ASIC2: variants seen among roughly 807,000 people sequenced by gnomAD.
ASIC2 encodes the protein acid sensing ion channel subunit 2, also known as acid-sensing ion channel 2.
ASIC2 carries 25 observed loss-of-function variants against 57.3 expected under a neutral mutation model. The observed-to-expected ratio is 0.44, with a 90% CI of 0.32 to 0.61. The LOEUF (loss-of-function observed/expected upper bound fraction) is 0.61, where lower values mean the gene tolerates loss of function less well. ASIC2 is among the 20% of genes least tolerant of loss of function. The pLI is 0.06. For missense variants in ASIC2, 641 were observed against 738.1 expected (o/e 0.87, Z 1.52); for synonymous variants, 319 against 307.5 (o/e 1.04, Z -0.39).
chr17:33,300,487 C>T (rs1356130956), intron 1 of ASIC2, among the ~76,000 whole-genome samples: 4 of 152,184 alleles, frequency 2.6e-5, no homozygotes, highest in African/African-American at 9.7e-5. Context: ...CAGATTTTCC[C>T]TTAACCCTTT....
chr17:33,900,742 G>C (rs12603278), intron 1 of ASIC2, among the ~76,000 whole-genome samples: 7,209 of 152,252 alleles, frequency 0.047, 387 homozygotes, highest in East Asian at 0.29. Context: ...TGAAGAAGTT[G>C]GAGGTGGGAG....
chr17:34,050,073 AC>A (rs1317507378), intron 1 of ASIC2, among the ~76,000 whole-genome samples: 3 of 152,246 alleles, frequency 2.0e-5, no homozygotes, highest in Non-Finnish European at 4.4e-5. Flanking sequence ...ATTTTGCATA[AC>A]AATATTATAC....
At chr17:34,132,802 G>A (rs974169182) in intron 1 of ASIC2, among the ~76,000 whole-genome samples, 1 of 152,188 alleles carries the variant, frequency 6.6e-6, no homozygotes, top group African/African-American at 2.4e-5. Flanking sequence ...GTGTGTGTAG[G>A]TGTTCTTTAT....
At chr17:33,360,364 C>A (rs892373124) in intron 1 of ASIC2, among the ~76,000 whole-genome samples, 1 of 152,144 alleles carries the variant, frequency 6.6e-6, no homozygotes, top group Non-Finnish European at 1.5e-5. Context: ...TGAAACTGGA[C>A]CTGCCTTGTT....
At chr17:33,178,576 A>G (rs1252802995) in intron 1 of ASIC2, among the ~76,000 whole-genome samples, 2 of 152,218 alleles carry the variant, frequency 1.3e-5, no homozygotes, top group Non-Finnish European at 2.9e-5. Context: ...TGGCATTTGA[A>G]CTGAGTCTTG....
At chr17:33,917,295 C>T (rs181849514) in intron 1 of ASIC2, among the ~76,000 whole-genome samples, 8 of 152,262 alleles carry the variant, frequency 5.3e-5, no homozygotes, top group Non-Finnish European at 1.5e-5. Flanking sequence ...TCAGGCCTCA[C>T]GTGCCTTAAA....
At chr17:33,161,748 A>G (rs1905165767) in intron 1 of ASIC2, among the ~76,000 whole-genome samples, 1 of 152,008 alleles carries the variant, frequency 6.6e-6, no homozygotes, top group African/African-American at 2.4e-5. Flanking sequence ...CATTTTATGC[A>G]AACCTCACTA....
At chr17:33,853,599 C>T (rs141338768) in intron 1 of ASIC2, among the ~76,000 whole-genome samples, 175 of 152,308 alleles carry the variant, frequency 1.1e-3, no homozygotes, top group African/African-American at 4.1e-3. Context: ...ATTAATGATG[C>T]CAGTGGTCTT....
chr17:33,150,971 A>C (rs1438494343), intron 1 of ASIC2, among the ~76,000 whole-genome samples: 1 of 151,966 alleles, frequency 6.6e-6, no homozygotes, highest in African/African-American at 2.4e-5. Context: ...TGGAGGTTGC[A>C]GTGAGCTGAG....
In ASIC2 at chr17:33,084,720, C is replaced by T. The variant is rs113234890; in HGVS notation, c.987+4143G>A. Among the ~76,000 whole-genome samples, 682 of 152,242 alleles carry T rather than the reference C, an allele frequency of 4.5e-3. 5 individuals are homozygous for T. The highest frequency in any genetic ancestry group is 0.016 in the African/African-American group (656 of 41,540). On this transcript the variant is annotated intron_variant, in intron 3 of 9. Transcript: ENST00000225823. ...ATAGGAACTGTTGTTATTCTTCTAC[C>T]CTTCCCAGGGTTCTATTTCTCCTTC... is the stretch of plus-strand genomic sequence containing the variant.
intron 1 of ASIC2, among the ~76,000 whole-genome samples, chr17:33,392,431 T>C (rs1011915275): frequency 2.6e-5 from 4 of 152,008 alleles, no homozygotes; most frequent in East Asian, 3.9e-4. Flanking sequence ...ACCCAGCTAA[T>C]TTATTGTATT....
rs534908112 is a variant in ASIC2, at chr17:33,869,148, C to T, written c.555+286830G>A. 3.9e-5 allele frequency among the ~76,000 whole-genome samples: 6 copies of T among 152,194 alleles called. No individual in the cohort carries two copies. In the East Asian group the frequency reaches 5.8e-4, roughly 15 times the overall value. ...GATATACGAATGGCAAATAAGCACA[C>T]GAAGTGACGCTCACTATCATTAGCT... On this transcript the variant is annotated intron_variant, in intron 1 of 9. Transcript: ENST00000359872.
At chr17:33,772,286 T>C (rs1472731467) in intron 1 of ASIC2, among the ~76,000 whole-genome samples, 1 of 152,226 alleles carries the variant, frequency 6.6e-6, no homozygotes, top group Non-Finnish European at 1.5e-5. Context: ...GCTGGAAGAA[T>C]CTAGACAGGC....
intron 1 of ASIC2, among the ~76,000 whole-genome samples, chr17:33,624,478 G>A (rs564948036): frequency 6.6e-6 from 1 of 152,236 alleles, no homozygotes; most frequent in Non-Finnish European, 1.5e-5. Context: ...AGCTGGTACT[G>A]CACTTGGACA....
rs565897139 is a variant in ASIC2, at chr17:33,329,040, C to T, written c.556-216973G>A. Among the ~76,000 whole-genome samples, 7 of 152,164 alleles carry T rather than the reference C, an allele frequency of 4.6e-5. No homozygotes were observed. The East Asian group carries it at 1.4e-3, about 29-fold the overall frequency. On this transcript the variant is annotated intron_variant, in intron 1 of 9. Transcript: ENST00000359872. ...TAAAAGCCTTCCTTATTTAAGAATA[C>T]ACTTCTATAAGAGGCAGGAAAAAAG...
chr17:33,721,045 T>A (rs1280146515), intron 1 of ASIC2, among the ~76,000 whole-genome samples: 3 of 152,104 alleles, frequency 2.0e-5, no homozygotes, highest in African/African-American at 7.2e-5. Context: ...AATGAAGCAA[T>A]GAAAACATTC....
chr17:33,037,799 T>C (rs2091915410), intron 3 of ASIC2, among the ~76,000 whole-genome samples: 1 of 152,192 alleles, frequency 6.6e-6, no homozygotes, highest in Non-Finnish European at 1.5e-5. Context: ...ACATTCTGGC[T>C]CAACATAAGG....
chr17:34,115,203 T>C (rs996748053), intron 1 of ASIC2, among the ~76,000 whole-genome samples: 4 of 152,234 alleles, frequency 2.6e-5, no homozygotes, highest in African/African-American at 7.2e-5. Flanking sequence ...AGTCATGTGC[T>C]ACATTAGCCA....
chr17:33,215,486 C>T (rs1381430960), intron 1 of ASIC2, among the ~76,000 whole-genome samples: 1 of 151,954 alleles, frequency 6.6e-6, no homozygotes, highest in East Asian at 1.9e-4. Flanking sequence ...GTATGTAATA[C>T]CATGAAAATG....
Sources: gnomAD v4.1 joint callset for allele counts (sites outside exome capture counted in the v4.1 genomes callset) on GRCh38, gnomAD v4.1.1 for gene constraint, MANE v1.5 for transcripts, NCBI Gene and HGNC (gene_info 2026-07-23, HGNC 2026-07-21) for gene names.